The following RGS20 variants were observed in gnomAD, a reference collection of about 807,000 sequenced individuals.
RGS20 encodes gz-selective GTPase-activating protein.
A neutral mutation model predicts 33.6 loss-of-function variants in RGS20; 30 were observed. The ratio of observed to expected loss-of-function variants is 0.89; its 90% CI spans 0.67 to 1.21. The LOEUF is 1.21. Ranked by LOEUF, RGS20 falls within the 50% of genes most tolerant of loss-of-function variation. The pLI, the probability that RGS20 is intolerant of heterozygous loss-of-function variation, is 0.00. For synonymous variants in RGS20, 208 were observed against 197.9 expected (o/e 1.05, Z -0.43); for missense variants, 472 against 502.4 (o/e 0.94, Z 0.58).
At chr8:53,910,129 GTA>G (rs1279626035) in intron 2 of RGS20, among the ~76,000 whole-genome samples, 1 of 152,112 alleles carries the variant, frequency 6.6e-6, no homozygotes, top group Non-Finnish European at 1.5e-5. Flanking sequence ...CATCACATAT[GTA>G]TTAAACACCT....
intron 3 of RGS20, 130 bp downstream of exon 2, chr8:53,939,854 C>CTA (rs1162285642): frequency 1.9e-6 from 2 of 1,072,160 alleles, no homozygotes; most frequent in Non-Finnish European, 2.6e-6. Flanking sequence ...TAAGCAACTA[C>CTA]TATATGCCTG....
At position 53,946,670 on chromosome 8, in the gene RGS20, C is replaced by G. The variant is rs1341282338; in HGVS notation, c.665C>G (p.Thr222Ser). 2.5e-6 allele frequency: 4 copies of G among 1,610,328 alleles called. No individual in the cohort carries two copies. The highest frequency in any genetic ancestry group is 2.2e-5 in the East Asian group (1 of 44,696). The change falls in exon 4 of 6, where the codon ACT becomes AGT. Residue 222 changes from threonine to serine, a missense_variant. Around this residue, in one of 3 missense-constraint regions of RGS20, gnomAD observed 319 missense variants for 283.4 expected, o/e 1.13. Coordinates refer to ENST00000297313, the MANE Select transcript of RGS20 (RefSeq NM_170587.4). ...TGAATGTCTTTTTTTTGCAGTCTCA[C>G]TGTTAGAAACCAGGAAGATCAGAGG... is the stretch of plus-strand genomic sequence containing the variant.
chr8:53,856,746 G>A (rs1033751246), intron 1 of RGS20, among the ~76,000 whole-genome samples: 5 of 152,208 alleles, frequency 3.3e-5, no homozygotes, highest in African/African-American at 1.2e-4. Flanking sequence ...TTAGACAAGA[G>A]AGCTGTTTCC....
chr8:53,949,528 C>T (rs541540154), intron 4 of RGS20, among the ~76,000 whole-genome samples: 1 of 151,858 alleles, frequency 6.6e-6, no homozygotes, highest in East Asian at 1.9e-4. Context: ...ACCAGCCTGG[C>T]TGACATGGTG....
At chr8:53,912,228 T>C (rs1284686178) in intron 2 of RGS20, among the ~76,000 whole-genome samples, 1 of 152,144 alleles carries the variant, frequency 6.6e-6, no homozygotes, top group Non-Finnish European at 1.5e-5. Flanking sequence ...CCCAGTTCTA[T>C]TGATGAAGGA....
At chr8:53,873,289 T>C (rs1812119774) in intron 1 of RGS20, among the ~76,000 whole-genome samples, 1 of 152,212 alleles carries the variant, frequency 6.6e-6, no homozygotes, top group Admixed American at 6.5e-5. Context: ...ATTGCTTTTC[T>C]TGATAAATGA....
chr8:53,881,109 C>T (rs753218250), intron 2 of RGS20, 25 bp downstream of exon 1: 16 of 1,488,710 alleles, frequency 1.1e-5, no homozygotes, highest in Admixed American at 4.9e-5. Context: ...TCCTCGAACT[C>T]TCTTTCTTCG....
At chr8:53,921,831 T>C (rs1813656396) in intron 2 of RGS20, among the ~76,000 whole-genome samples, 1 of 152,142 alleles carries the variant, frequency 6.6e-6, no homozygotes, top group African/African-American at 2.4e-5. Flanking sequence ...TATTTTTCTA[T>C]TTCTATTTTC....
intron 1 of RGS20, among the ~76,000 whole-genome samples, chr8:53,859,508 C>T (rs1811760530): frequency 6.6e-6 from 1 of 152,090 alleles, no homozygotes; most frequent in Admixed American, 6.6e-5. Flanking sequence ...GTTGGCTTCC[C>T]TGCTGAAATC....
At chr8:53,947,058 A>G (rs185663260) in intron 4 of RGS20, among the ~76,000 whole-genome samples, 1,895 of 147,506 alleles carry the variant, frequency 0.013, 43 homozygotes, top group African/African-American at 0.044. Flanking sequence ...AAAGTATATC[A>G]TATAATTTTA....
chr8:53,886,651 T>C lies in RGS20; in HGVS notation c.510+7049T>C, dbSNP rs1479728304. Among the ~76,000 whole-genome samples the C allele has an allele frequency of 2.0e-5, 3 of 152,192 alleles. No homozygotes were observed. The East Asian group carries it at 5.8e-4, about 29-fold the overall frequency. On this transcript the variant is annotated intron_variant, in intron 2 of 5. Transcript: ENST00000297313. ...CTTCCTGAGGTGCTGGGTTGTACGA[T>C]GTGCACCTCCGTCCAACAGTGAAGG... is the stretch of plus-strand genomic sequence containing the variant.
intron 2 of RGS20, chr8:53,880,902 A>T: frequency 1.3e-6 from 2 of 1,508,024 alleles, no homozygotes; most frequent in Non-Finnish European, 1.8e-6. Flanking sequence ...CCGGGAGAAG[A>T]GGGCTAGAGC....
intron 2 of RGS20, among the ~76,000 whole-genome samples, chr8:53,888,802 T>G (rs1350804753): frequency 1.3e-5 from 2 of 152,260 alleles, no homozygotes; most frequent in African/African-American, 4.8e-5. Flanking sequence ...GCTTTTAAAC[T>G]TCATATGTAA....
intron 2 of RGS20, among the ~76,000 whole-genome samples, chr8:53,887,509 G>T (rs1213623628): frequency 2.0e-5 from 3 of 152,204 alleles, no homozygotes; most frequent in Non-Finnish European, 2.9e-5. Flanking sequence ...GAGGTTGAGG[G>T]AAATGAAGAG....
chr8:53,896,906 G>A (rs1812879464), intron 2 of RGS20, among the ~76,000 whole-genome samples: 1 of 152,190 alleles, frequency 6.6e-6, no homozygotes, highest in South Asian at 2.1e-4. Flanking sequence ...AAATAGAATA[G>A]GAGCTTGCTA....
intron 2 of RGS20, 126 bp from the exon 1 acceptor site, chr8:53,880,746 C>T: frequency 4.0e-6 from 3 of 755,734 alleles, no homozygotes; most frequent in South Asian, 4.3e-5. Context: ...GGGTGGAGGT[C>T]GCGCCCCGCG....
At chr8:53,947,198 C>A (rs1184875593) in intron 4 of RGS20, among the ~76,000 whole-genome samples, 7 of 143,034 alleles carry the variant, frequency 4.9e-5, no homozygotes, top group African/African-American at 1.5e-4. Flanking sequence ...TTTATACACG[C>A]TATATAAGAT....
rs1431061806 is a variant in RGS20, at chr8:53,939,636, C to G, written c.571C>G (p.Pro191Ala). 6.2e-7 allele frequency: 1 copy of G among 1,602,142 alleles called. No homozygotes were observed. Among genetic ancestry groups the G allele is most frequent in the South Asian group, 1.1e-5 (1 of 88,564 alleles). ...GCAGATGCCCGCCGCCCAGGACACA[C>G]CAGGCGCCGCCCCAGGCCAGCCCGG... The change falls in exon 3 of 6, where the codon CCA becomes GCA. Residue 191 changes from proline to alanine, a missense_variant. Physicochemically the swap from Pro to Ala is conservative, Grantham distance 27. Coordinates refer to ENST00000297313, the MANE Select transcript of RGS20 (RefSeq NM_170587.4).
chr8:53,866,845 T>C (rs903811481), intron 1 of RGS20, among the ~76,000 whole-genome samples: 14 of 152,010 alleles, frequency 9.2e-5, no homozygotes, highest in African/African-American at 3.1e-4. Flanking sequence ...AGTGCATGCT[T>C]GGGGAGGCAG....
Sources: gnomAD v4.1 joint callset for allele counts (sites outside exome capture counted in the v4.1 genomes callset) on GRCh38, gnomAD v4.1.1 for gene constraint, gnomAD v4.1.1 regional missense constraint, MANE v1.5 for transcripts, NCBI Gene and HGNC (gene_info 2026-07-23, HGNC 2026-07-21) for gene names.